FNDC3B: variants seen among roughly 807,000 people sequenced by gnomAD.
FNDC3B encodes the protein fibronectin type III domain-containing protein 3B.
FNDC3B carries 12 observed loss-of-function variants against 151.5 expected under a neutral mutation model. That is an observed-to-expected ratio of 0.08 (90% CI 0.05 to 0.13). FNDC3B has a LOEUF of 0.13. Ranked by LOEUF, FNDC3B falls within the 10% of genes least tolerant of loss-of-function variation. The pLI is 1.00. For missense variants in FNDC3B, 1,214 were observed against 1,505.3 expected, an observed-to-expected ratio of 0.81 and a Z score of 3.20; for synonymous variants, 528 against 549.0, an observed-to-expected ratio of 0.96 and a Z score of 0.54.
intron 5 of FNDC3B, among the ~76,000 whole-genome samples, chr3:172,248,531 G>A (rs1178182141): frequency 6.6e-6 from 1 of 151,994 alleles, no homozygotes; most frequent in Non-Finnish European, 1.5e-5. Context: ...TTAGCCTCTA[G>A]GACTTTGCAA....
At chr3:172,087,174 A>T (rs1718588895) in intron 1 of FNDC3B, among the ~76,000 whole-genome samples, 1 of 152,192 alleles carries the variant, frequency 6.6e-6, no homozygotes, top group African/African-American at 2.4e-5. Context: ...TTTGAAAAGA[A>T]TTGATTTCCT....
At chr3:172,217,656 T>A (rs1477345171) in intron 3 of FNDC3B, among the ~76,000 whole-genome samples, 1 of 150,934 alleles carries the variant, frequency 6.6e-6, no homozygotes, top group Non-Finnish European at 1.5e-5. Flanking sequence ...GTTTTTTTTT[T>A]AAAACCATTT....
At chr3:172,241,004 C>T (rs545903166) in intron 4 of FNDC3B, among the ~76,000 whole-genome samples, 3 of 152,170 alleles carry the variant, frequency 2.0e-5, no homozygotes, top group Admixed American at 6.5e-5. Flanking sequence ...TTTTTGTAAA[C>T]GTGTACTAAG....
In FNDC3B at chr3:172,296,788, G is replaced by T. The variant is rs73031399; in HGVS notation, c.1001+1274G>T. ...GAACTGCACGGACCCACTTATGCAC[G>T]GATTCCTTGTCAGCCACATGCAGAC... On this transcript the variant is annotated intron_variant, in intron 8 of 25. Coordinates refer to ENST00000415807, the MANE Select transcript of FNDC3B (RefSeq NM_022763.4). 8.2e-3 allele frequency among the ~76,000 whole-genome samples: 1,248 copies of T among 152,260 alleles called. 22 individuals are homozygous for T. Among genetic ancestry groups the T allele is most frequent in the African/African-American group, 0.028 (1,179 of 41,536 alleles).
Position 172,333,434 on chromosome 3 carries a change from G to T in FNDC3B, c.1641+259G>T, listed in dbSNP as rs1022100805. ...CCTCCCGGGTTTAAGCAGTTCTCCTGCCTCAGCCTCCCGAGTAGCTGGGAC... is the reference window on the plus strand; with the variant it reads ...CCTCCCGGGTTTAAGCAGTTCTCCTTCCTCAGCCTCCCGAGTAGCTGGGAC... On this transcript the variant is annotated intron_variant, in intron 14 of 25. Coordinates refer to ENST00000415807, the MANE Select transcript of FNDC3B (RefSeq NM_022763.4). 2.0e-5 allele frequency among the ~76,000 whole-genome samples: 3 copies of T among 150,966 alleles called. No individual in the cohort carries two copies. The East Asian group carries it at 5.8e-4, about 29-fold the overall frequency.
chr3:172,193,315 C>T (rs1397254880), intron 3 of FNDC3B, among the ~76,000 whole-genome samples: 1 of 24,920 alleles, frequency 4.0e-5, no homozygotes, highest in Non-Finnish European at 9.7e-5. Context: ...CCTCCCCTCC[C>T]CTCCCCTCCC....
intron 6 of FNDC3B, among the ~76,000 whole-genome samples, chr3:172,283,942 CATG>C (rs113693587): frequency 0.025 from 3,748 of 152,078 alleles, 151 homozygotes; most frequent in African/African-American, 0.085. Flanking sequence ...TTTTCAAAAC[CATG>C]ATATTACCAC....
intron 1 of FNDC3B, among the ~76,000 whole-genome samples, chr3:172,059,158 T>A (rs1055468501): frequency 6.6e-6 from 1 of 152,194 alleles, no homozygotes; most frequent in Non-Finnish European, 1.5e-5. Context: ...GTAGTACTAG[T>A]GTAACTTATA....
chr3:172,277,719 C>T (rs1729503231), intron 6 of FNDC3B, among the ~76,000 whole-genome samples: 1 of 152,122 alleles, frequency 6.6e-6, no homozygotes, highest in Non-Finnish European at 1.5e-5. Context: ...GGAGTGTCTG[C>T]CTTACACCCA....
At chr3:172,317,286 C>A in intron 11 of FNDC3B, 1 of 349,296 alleles carries the variant, frequency 2.9e-6, no homozygotes, top group South Asian at 2.1e-5. Flanking sequence ...CGGGTTCACG[C>A]CTTTCTCCTG....
chr3:172,356,035 T>C (rs1734079359), intron 22 of FNDC3B, among the ~76,000 whole-genome samples: 1 of 152,186 alleles, frequency 6.6e-6, no homozygotes, highest in African/African-American at 2.4e-5. Flanking sequence ...TAAAGTAGAT[T>C]TGTTTGTTTT....
In FNDC3B at chr3:172,121,745, G is replaced by A. The variant is rs190042606; in HGVS notation, c.111+9155G>A. Among the ~76,000 whole-genome samples the A allele has an allele frequency of 3.9e-3, 589 of 152,240 alleles. 3 individuals carry two copies. Among genetic ancestry groups the A allele is most frequent in the South Asian group, 6.8e-3 (33 of 4,828 alleles). On this transcript the variant is annotated intron_variant, in intron 2 of 25. Coordinates refer to ENST00000415807, the MANE Select transcript of FNDC3B (RefSeq NM_022763.4). Reference sequence around the variant, plus strand: ...AGCATTTATGTATGTATGTATGTAAGTATTTAAGACAGGGTCTCCTTATGT... The same window carrying A: ...AGCATTTATGTATGTATGTATGTAAATATTTAAGACAGGGTCTCCTTATGT...
At chr3:172,150,316 T>C (rs1722154558) in intron 3 of FNDC3B, among the ~76,000 whole-genome samples, 1 of 152,180 alleles carries the variant, frequency 6.6e-6, no homozygotes, top group South Asian at 2.1e-4. Context: ...GATTTAACTT[T>C]TATGTCTAAT....
In FNDC3B at chr3:172,353,096, G is replaced by A; in HGVS notation, c.2795+13G>A. On this transcript the variant is annotated intron_variant, in intron 22 of 25. Coordinates refer to ENST00000415807, the MANE Select transcript of FNDC3B (RefSeq NM_022763.4). ...AAACCACCTACCGGTGAGTGCAAGG[G>A]AGTAGAAATCTGCATCAGCACATCA... The A allele has an allele frequency of 6.2e-7, 1 of 1,610,244 alleles. No individual in the cohort carries two copies. The highest frequency in any genetic ancestry group is 1.1e-5 in the South Asian group (1 of 90,928).
chr3:172,323,169 G>A (rs753119106), intron 11 of FNDC3B, among the ~76,000 whole-genome samples: 1 of 152,078 alleles, frequency 6.6e-6, no homozygotes, highest in Non-Finnish European at 1.5e-5. Context: ...AAATAAAGAT[G>A]TTCCTTAAAA....
chr3:172,233,201 G>T (rs2108750498), intron 4 of FNDC3B, among the ~76,000 whole-genome samples: 1 of 152,216 alleles, frequency 6.6e-6, no homozygotes, highest in East Asian at 1.9e-4. Context: ...ATTGACCCAA[G>T]GATTTAAAAA....
intron 7 of FNDC3B, among the ~76,000 whole-genome samples, chr3:172,290,062 AAAG>A (rs1424186657): frequency 6.6e-6 from 1 of 152,252 alleles, no homozygotes; most frequent in East Asian, 1.9e-4. Context: ...TCTGACAGGG[AAAG>A]AAGCAGAGCC....
intron 25 of FNDC3B, among the ~76,000 whole-genome samples, chr3:172,391,398 G>T (rs889275375): frequency 2.0e-5 from 3 of 152,142 alleles, no homozygotes; most frequent in Admixed American, 6.5e-5. Context: ...GCTGTTACTT[G>T]CCTGAGATCA....
At chr3:172,298,179 A>G (rs1208900704) in intron 8 of FNDC3B, among the ~76,000 whole-genome samples, 2 of 152,180 alleles carry the variant, frequency 1.3e-5, no homozygotes, top group Non-Finnish European at 2.9e-5. Flanking sequence ...AACATTCCTT[A>G]TTTTGGTTGG....
Sources: gnomAD v4.1 joint callset for allele counts (sites outside exome capture counted in the v4.1 genomes callset) on GRCh38, gnomAD v4.1.1 for gene constraint, MANE v1.5 for transcripts, NCBI Gene and HGNC (gene_info 2026-07-23, HGNC 2026-07-21) for gene names.